ALK: variants seen among roughly 807,000 people sequenced by gnomAD.
ALK encodes ALK receptor tyrosine kinase.
ALK carries 74 observed loss-of-function variants against 163.1 expected under a neutral mutation model. The observed-to-expected ratio is 0.45, with a 90% CI of 0.38 to 0.55. The LOEUF is 0.55. Ranked by LOEUF, ALK falls within the 20% of genes least tolerant of loss-of-function variation. The pLI is 0.00. For missense variants in ALK, 2,063 were observed against 2,105.3 expected, an observed-to-expected ratio of 0.98 and a Z score of 0.39; for synonymous variants, 960 against 843.2, an observed-to-expected ratio of 1.14 and a Z score of -2.40.
chr2:29,377,875 GT>G (rs1558701375), intron 5 of ALK, among the ~76,000 whole-genome samples: 1 of 152,176 alleles, frequency 6.6e-6, no homozygotes, highest in African/African-American at 2.4e-5. Context: ...TAAGGTGAAG[GT>G]TATGACATCC....
intron 8 of ALK, among the ~76,000 whole-genome samples, chr2:29,305,744 C>T (rs1044449566): frequency 6.6e-6 from 1 of 152,168 alleles, no homozygotes; most frequent in Non-Finnish European, 1.5e-5. Context: ...AGACCAGTTT[C>T]GTGGAAGACA....
intron 2 of ALK, among the ~76,000 whole-genome samples, chr2:29,705,164 G>T (rs915462450): frequency 1.8e-4 from 27 of 147,892 alleles, no homozygotes; most frequent in Non-Finnish European, 3.4e-4. Context: ...GTTGCAGTGA[G>T]CCGAGATTGT....
Position 29,800,739 on chromosome 2 carries a change from AC to A in ALK, c.668-83043del, listed in dbSNP as rs1664444996. 2.0e-5 allele frequency among the ~76,000 whole-genome samples: 3 copies of A among 152,238 alleles called. No individual in the cohort carries two copies. In the South Asian group the frequency reaches 6.2e-4, roughly 32 times the overall value. On this transcript the variant is annotated intron_variant, in intron 1 of 28. Coordinates refer to ENST00000389048, the MANE Select transcript of ALK (RefSeq NM_004304.5). ...AGGAGAGCCCTCTGGGCTCAAATCT[AC>A]CCCACACCCATCCAACCACCAAGGT...
chr2:29,715,320 T>C (rs1679216296), intron 2 of ALK, among the ~76,000 whole-genome samples: 1 of 152,180 alleles, frequency 6.6e-6, no homozygotes, highest in Non-Finnish European at 1.5e-5. Context: ...TAACTGCCAA[T>C]GGTTTGGGTC....
At chr2:29,262,490 G>A (rs1382247985) in intron 11 of ALK, among the ~76,000 whole-genome samples, 1 of 152,232 alleles carries the variant, frequency 6.6e-6, no homozygotes, top group East Asian at 1.9e-4. Context: ...TGTATGATGA[G>A]AAGTTAGGGG....
intron 3 of ALK, among the ~76,000 whole-genome samples, chr2:29,661,973 C>T (rs1677361138): frequency 6.6e-6 from 1 of 152,078 alleles, no homozygotes; most frequent in Non-Finnish European, 1.5e-5. Flanking sequence ...GCAGCGGTGT[C>T]ATCTCAGCTC....
intron 4 of ALK, among the ~76,000 whole-genome samples, chr2:29,522,332 T>C (rs1672836729): frequency 6.6e-6 from 1 of 152,178 alleles, no homozygotes; most frequent in Non-Finnish European, 1.5e-5. Flanking sequence ...AGCTGACACA[T>C]GCAAAGCACT....
At chr2:29,225,728 C>A (rs1446794426) in intron 18 of ALK, among the ~76,000 whole-genome samples, 163 bp from the exon 19 acceptor site, 1 of 152,136 alleles carries the variant, frequency 6.6e-6, no homozygotes, top group African/African-American at 2.4e-5. Context: ...TGAGCAGGAC[C>A]AGACTCATCC....
chr2:29,502,394 A>G (rs1005883557), intron 4 of ALK, among the ~76,000 whole-genome samples: 1 of 152,188 alleles, frequency 6.6e-6, no homozygotes, highest in Non-Finnish European at 1.5e-5. Flanking sequence ...TTGTAAATGC[A>G]TAACTTCTCT....
intron 1 of ALK, among the ~76,000 whole-genome samples, chr2:29,888,264 A>ATT (rs1401782243): frequency 1.4e-5 from 2 of 142,282 alleles, no homozygotes; most frequent in Non-Finnish European, 3.0e-5. Flanking sequence ...TTTTTTTTAA[A>ATT]AAAAGGGAAA....
intron 3 of ALK, among the ~76,000 whole-genome samples, chr2:29,609,082 C>G (rs563624117): frequency 2.0e-4 from 31 of 152,246 alleles, no homozygotes; most frequent in Non-Finnish European, 3.7e-4. Flanking sequence ...CACCACCATG[C>G]CTGGCTAAGT....
At chr2:29,848,993 C>A (rs1398462931) in intron 1 of ALK, among the ~76,000 whole-genome samples, 2 of 152,194 alleles carry the variant, frequency 1.3e-5, no homozygotes, top group Non-Finnish European at 2.9e-5. Flanking sequence ...AGACACCTCT[C>A]CCCTCCCCAT....
chr2:29,420,032 C>G (rs1275707364), intron 4 of ALK, among the ~76,000 whole-genome samples: 2 of 150,928 alleles, frequency 1.3e-5, no homozygotes, highest in Non-Finnish European at 2.9e-5. Context: ...GATGGCCCAC[C>G]TGTAGTCCCA....
chr2:29,328,203 G>T, intron 6 of ALK, 147 bp downstream of exon 6: 1 of 1,132,646 alleles, frequency 8.8e-7, no homozygotes, highest in Non-Finnish European at 1.3e-6. Context: ...GCCTCTTGAA[G>T]ACTGTGTGGC....
chr2:29,920,406 G>A lies in ALK; in HGVS notation c.254C>T (p.Pro85Leu), dbSNP rs748100651. Reference sequence around the variant, plus strand: ...CAGAGCTAGCGAGCCGCGGGCCTCGGGCCTGCCAGCCTTCAGCTCCGAGGA... The same window carrying A: ...CAGAGCTAGCGAGCCGCGGGCCTCGAGCCTGCCAGCCTTCAGCTCCGAGGA... ...PSSSELKAGRPEARGSLALDC... is the reference protein window; with the variant it reads ...PSSSELKAGRLEARGSLALDC... The change falls in exon 1 of 29, where the codon CCC becomes CTC. Residue 85 changes from proline to leucine, a missense_variant. Coordinates refer to ENST00000389048, the MANE Select transcript of ALK (RefSeq NM_004304.5). The A allele has an allele frequency of 3.2e-6, 5 of 1,582,932 alleles. No individual in the cohort carries two copies. In the South Asian group the frequency reaches 4.6e-5, roughly 15 times the overall value.
chr2:29,621,717 T>A (rs4402713), intron 3 of ALK, among the ~76,000 whole-genome samples: 93,407 of 152,134 alleles, frequency 0.61, 29,923 homozygotes, highest in East Asian at 0.74. Context: ...TACTGGAGAC[T>A]CTTTGGGTTG....
intron 1 of ALK, among the ~76,000 whole-genome samples, chr2:29,791,292 A>G (rs933026012): frequency 2.0e-5 from 3 of 152,202 alleles, no homozygotes; most frequent in Non-Finnish European, 4.4e-5. Context: ...ATGGAATACT[A>G]TGCAGCCATA....
chr2:29,896,007 CTGAATGTG>C (rs1219827786), intron 1 of ALK, among the ~76,000 whole-genome samples: 1 of 152,182 alleles, frequency 6.6e-6, no homozygotes, highest in African/African-American at 2.4e-5. Context: ...GGGAAACTTA[CTGAATGTG>C]TCCCTAGGAT....
At chr2:29,680,093 T>C (rs1678017264) in intron 3 of ALK, among the ~76,000 whole-genome samples, 1 of 152,012 alleles carries the variant, frequency 6.6e-6, no homozygotes, top group Non-Finnish European at 1.5e-5. Context: ...GATAAGCTAT[T>C]GTTCTCTTGT....
Sources: gnomAD v4.1 joint callset for allele counts (sites outside exome capture counted in the v4.1 genomes callset) on GRCh38, gnomAD v4.1.1 for gene constraint, MANE v1.5 for transcripts, NCBI Gene and HGNC (gene_info 2026-07-23, HGNC 2026-07-21) for gene names.